Variants in MSRB3 observed in about 807,000 individuals in gnomAD.
MSRB3 encodes the protein methionine sulfoxide reductase B3.
A neutral mutation model predicts 21.0 loss-of-function variants in MSRB3; 13 were observed. The observed-to-expected ratio is 0.62, with a 90% CI of 0.40 to 0.98. The LOEUF (loss-of-function observed/expected upper bound fraction) is 0.98. Among genes scored for constraint, MSRB3 ranks in the 50% least tolerant of loss-of-function variants. MSRB3 has a pLI of 0.00. For synonymous variants in MSRB3, 87 were observed against 88.6 expected (o/e 0.98, Z 0.10); for missense variants, 199 against 230.3 (o/e 0.86, Z 0.88).
chr12:65,428,171 G>A (rs945043807), intron 5 of MSRB3, among the ~76,000 whole-genome samples: 2 of 152,200 alleles, frequency 1.3e-5, no homozygotes, highest in African/African-American at 4.8e-5. Flanking sequence ...GTTGTCATCT[G>A]CAGAGCAGGC....
intron 5 of MSRB3, among the ~76,000 whole-genome samples, chr12:65,423,820 G>A (rs1881444948): frequency 6.6e-6 from 1 of 152,050 alleles, no homozygotes; most frequent in Admixed American, 6.6e-5. Context: ...GTCTTGTCTG[G>A]CTTTGGTATC....
At chr12:65,431,659 T>C (rs937824257) in intron 5 of MSRB3, among the ~76,000 whole-genome samples, 8 of 152,012 alleles carry the variant, frequency 5.3e-5, no homozygotes, top group African/African-American at 1.9e-4. Flanking sequence ...CCAGAACCAT[T>C]GTGTGTTCCT....
chr12:65,385,129 T>A (rs1403814080), intron 5 of MSRB3, among the ~76,000 whole-genome samples: 1 of 152,176 alleles, frequency 6.6e-6, no homozygotes, highest in Non-Finnish European at 1.5e-5. Context: ...CTGTTTTGTC[T>A]AAAGATACCA....
intron 4 of MSRB3, among the ~76,000 whole-genome samples, chr12:65,365,884 G>T (rs1877981570): frequency 1.3e-5 from 2 of 152,164 alleles, no homozygotes; most frequent in South Asian, 4.1e-4. Context: ...GGCCAAGCTG[G>T]GGGAGAGGAG....
intron 4 of MSRB3, among the ~76,000 whole-genome samples, chr12:65,338,162 A>C (rs1047185126): frequency 6.6e-6 from 1 of 152,200 alleles, no homozygotes. Context: ...TCCCATAATT[A>C]TTAATTCCCT....
intron 4 of MSRB3, among the ~76,000 whole-genome samples, chr12:65,366,927 C>T (rs1878046502): frequency 6.6e-6 from 1 of 151,910 alleles, no homozygotes; most frequent in African/African-American, 2.4e-5. Context: ...TTTCAGGTGG[C>T]CTGAGGGCTG....
intron 1 of MSRB3, among the ~76,000 whole-genome samples, chr12:65,298,588 A>G (rs978788565): frequency 2.0e-5 from 3 of 152,218 alleles, no homozygotes; most frequent in East Asian, 1.9e-4. Flanking sequence ...GATAGAGGTC[A>G]TTAAATATAC....
At chr12:65,309,795 G>A (rs369600843) in intron 2 of MSRB3, among the ~76,000 whole-genome samples, 187 of 152,238 alleles carry the variant, frequency 1.2e-3, no homozygotes, top group African/African-American at 4.3e-3. Context: ...AGTAGCATGG[G>A]AAAACATGAA....
intron 4 of MSRB3, among the ~76,000 whole-genome samples, chr12:65,355,079 G>T (rs183212924): frequency 6.6e-6 from 1 of 151,506 alleles, no homozygotes; most frequent in East Asian, 1.9e-4. Context: ...AGGGAAAGAG[G>T]TTAAAGAACA....
In MSRB3 at chr12:65,278,816, C is replaced by G. The variant is rs966447003; in HGVS notation, c.-101C>G. The stretch of plus-strand genomic sequence containing the variant: ...CGCGCCCCCTCTCGCTCTGCCTCTC[C>G]CTCTGCCTCTGCCTCTGCCTGGCCG... On this transcript the variant is annotated 5_prime_UTR_variant, in exon 1 of 7. Transcript: ENST00000308259. 5 of 1,564,804 alleles carry G rather than the reference C, an allele frequency of 3.2e-6. No homozygotes were observed. Among genetic ancestry groups the G allele is most frequent in the Non-Finnish European group, 4.3e-6 (5 of 1,155,002 alleles).
At chr12:65,298,269 G>T (rs1873103909) in intron 1 of MSRB3, among the ~76,000 whole-genome samples, 1 of 152,172 alleles carries the variant, frequency 6.6e-6, no homozygotes, top group Non-Finnish European at 1.5e-5. Flanking sequence ...CTACCAGAGT[G>T]CTGGGAATAT....
At chr12:65,279,139 T>G in intron 1 of MSRB3, 3 of 1,232,322 alleles carry the variant, frequency 2.4e-6, no homozygotes, top group Non-Finnish European at 3.1e-6. Context: ...CCTTATCCTG[T>G]CCCGGGAGCG....
At chr12:65,424,187 T>G (rs1345323996) in intron 5 of MSRB3, among the ~76,000 whole-genome samples, 1 of 152,100 alleles carries the variant, frequency 6.6e-6, no homozygotes, top group Non-Finnish European at 1.5e-5. Context: ...ACCTCCTTTT[T>G]CATTTCTGAT....
intron 4 of MSRB3, among the ~76,000 whole-genome samples, chr12:65,331,055 A>T (rs1875381990): frequency 6.6e-6 from 1 of 152,332 alleles, no homozygotes; most frequent in South Asian, 2.1e-4. Context: ...CTGCTCAGTG[A>T]TCTAAATATG....
At chr12:65,345,750 C>A (rs956109508) in intron 4 of MSRB3, among the ~76,000 whole-genome samples, 6 of 151,902 alleles carry the variant, frequency 3.9e-5, no homozygotes, top group Admixed American at 1.3e-4. Context: ...CCCCACAACA[C>A]GCCACGGTGT....
chr12:65,326,412 A>G (rs1262303033), intron 2 of MSRB3, among the ~76,000 whole-genome samples: 1 of 152,168 alleles, frequency 6.6e-6, no homozygotes, highest in Non-Finnish European at 1.5e-5. Flanking sequence ...AAGTTGCAAA[A>G]TTATTGCAGA....
intron 4 of MSRB3, among the ~76,000 whole-genome samples, chr12:65,354,029 T>C (rs975229428): frequency 6.6e-6 from 1 of 151,988 alleles, no homozygotes; most frequent in African/African-American, 2.4e-5. Context: ...AAAATTCTTT[T>C]CTTTAGGAAT....
intron 5 of MSRB3, among the ~76,000 whole-genome samples, chr12:65,395,294 C>G (rs1879717368): frequency 6.6e-6 from 1 of 152,036 alleles, no homozygotes; most frequent in Non-Finnish European, 1.5e-5. Flanking sequence ...TGGTGAAACC[C>G]TGTCACTACT....
At chr12:65,346,529 G>C (rs1405074607) in intron 4 of MSRB3, among the ~76,000 whole-genome samples, 1 of 152,052 alleles carries the variant, frequency 6.6e-6, no homozygotes, top group Non-Finnish European at 1.5e-5. Context: ...CTCCCATTCT[G>C]TAGGTTGACT....
Sources: allele counts gnomAD v4.1 joint callset (sites outside exome capture counted in the v4.1 genomes callset), GRCh38; gene constraint gnomAD v4.1.1; transcripts MANE v1.5; gene names NCBI Gene and HGNC (gene_info 2026-07-23, HGNC 2026-07-21).